The following SEMA3A variants were observed in gnomAD, a reference collection of about 807,000 sequenced individuals.
SEMA3A encodes semaphorin 3A, also known as semaphorin-3A.
A neutral mutation model predicts 97.9 loss-of-function variants in SEMA3A; 29 were observed. The observed-to-expected ratio is 0.30, with a 90% CI of 0.22 to 0.40. The LOEUF (loss-of-function observed/expected upper bound fraction) is 0.40, where lower values mean the gene tolerates loss of function less well. SEMA3A is among the 10% of genes least tolerant of loss of function. The pLI, the probability that SEMA3A is intolerant of heterozygous loss-of-function variation, is 1.00. For synonymous variants in SEMA3A, 321 were observed against 323.7 expected (o/e 0.99, Z 0.09); for missense variants, 763 against 951.3 (o/e 0.80, Z 2.60).
chr7:84,094,657 C>T (rs1477514787), intron 4 of SEMA3A, among the ~76,000 whole-genome samples: 1 of 152,038 alleles, frequency 6.6e-6, no homozygotes, highest in Non-Finnish European at 1.5e-5. Context: ...TTTCTAACAT[C>T]ATAATATGAC....
At chr7:84,404,729 G>A (rs994556864) in intron 1 of SEMA3A, among the ~76,000 whole-genome samples, 5 of 152,258 alleles carry the variant, frequency 3.3e-5, no homozygotes, top group African/African-American at 1.2e-4. Context: ...AAGAGAGTGG[G>A]GGCCAATATT....
intron 14 of SEMA3A, among the ~76,000 whole-genome samples, chr7:83,978,861 C>G (rs1478919920): frequency 6.6e-6 from 1 of 152,110 alleles, no homozygotes; most frequent in Non-Finnish European, 1.5e-5. Context: ...CAGCGTGTCA[C>G]TCATGAAATT....
chr7:84,199,552 C>T, upstream of SEMA3A, among the ~76,000 whole-genome samples: 1 of 151,462 alleles, frequency 6.6e-6, no homozygotes, highest in Middle Eastern at 3.4e-3. Flanking sequence ...TCTCAATCAA[C>T]ATCTGTTATT....
intron 2 of SEMA3A, among the ~76,000 whole-genome samples, chr7:84,310,059 C>T (rs1562896943): frequency 6.6e-6 from 1 of 151,980 alleles, no homozygotes; most frequent in African/African-American, 2.4e-5. Context: ...CATACATAAG[C>T]TACGTTAAGT....
chr7:84,149,689 T>TG (rs1796570046), intron 1 of SEMA3A, among the ~76,000 whole-genome samples: 1 of 152,208 alleles, frequency 6.6e-6, no homozygotes, highest in Non-Finnish European at 1.5e-5. Context: ...TGTGTACCAC[T>TG]GACAAAGGCA....
intron 1 of SEMA3A, among the ~76,000 whole-genome samples, chr7:84,142,013 A>G (rs941575531): frequency 6.6e-6 from 1 of 152,182 alleles, no homozygotes; most frequent in Admixed American, 6.6e-5. Context: ...ACAAGACACA[A>G]GTGTCCTAGG....
At chr7:84,404,156 G>C (rs1304662431) in intron 1 of SEMA3A, among the ~76,000 whole-genome samples, 1 of 152,098 alleles carries the variant, frequency 6.6e-6, no homozygotes, top group Non-Finnish European at 1.5e-5. Context: ...AAAAAAATTA[G>C]ACGAATGGAT....
At chr7:84,067,660 A>C (rs992375621) in intron 4 of SEMA3A, among the ~76,000 whole-genome samples, 6 of 152,206 alleles carry the variant, frequency 3.9e-5, no homozygotes, top group Non-Finnish European at 7.3e-5. Context: ...CAGCCAAAAA[A>C]CACATGAAAA....
chr7:83,985,568 A>T, intron 12 of SEMA3A, 91 bp from the exon 13 acceptor site: 1 of 1,009,606 alleles, frequency 9.9e-7, no homozygotes, highest in Non-Finnish European at 1.5e-6. Flanking sequence ...ATTAGTTTTC[A>T]GAGAGAAACT....
chr7:84,213,632 G>A (rs559464882), intron 3 of SEMA3A, among the ~76,000 whole-genome samples: 1 of 152,062 alleles, frequency 6.6e-6, no homozygotes, highest in Non-Finnish European at 1.5e-5. Flanking sequence ...GCAAACATTG[G>A]CATAATAATA....
chr7:83,994,749 G>C (rs560598773), intron 12 of SEMA3A, among the ~76,000 whole-genome samples: 351 of 151,448 alleles, frequency 2.3e-3, no homozygotes, highest in African/African-American at 8.2e-3. Flanking sequence ...TAAGTCTGCA[G>C]AGGTTACTGC....
chr7:84,323,929 A>G (rs868222326), intron 2 of SEMA3A, among the ~76,000 whole-genome samples: 12 of 152,342 alleles, frequency 7.9e-5, no homozygotes, highest in Middle Eastern at 3.4e-3. Flanking sequence ...AAAATCATAT[A>G]TAAATCTGTT....
At chr7:84,020,714 C>T (rs926322848) in intron 6 of SEMA3A, among the ~76,000 whole-genome samples, 2 of 152,130 alleles carry the variant, frequency 1.3e-5, no homozygotes, top group African/African-American at 4.8e-5. Context: ...AAATTTAATA[C>T]CAAAAGTATT....
chr7:84,190,303 T>C (rs1798001483), intron 1 of SEMA3A, among the ~76,000 whole-genome samples: 2 of 151,824 alleles, frequency 1.3e-5, no homozygotes, highest in Admixed American at 6.6e-5. Flanking sequence ...TTTTACATTA[T>C]TTGCCAGGGT....
chr7:83,961,949 T>A lies in SEMA3A; in HGVS notation c.1861-123A>T, dbSNP rs573744868. The A allele has an allele frequency of 4.0e-4, 260 of 649,388 alleles. 1 individual carries two copies. The African/African-American group carries it at 4.1e-3, about 10-fold the overall frequency. The allele number at this position is 649,388 out of a possible 1,614,324, so 40.2% of individuals were successfully genotyped here. On this transcript the variant is annotated intron_variant, in intron 16 of 16. Transcript: ENST00000265362. The stretch of plus-strand genomic sequence containing the variant: ...GGCACATTTTAACAGTTAATAAAAA[T>A]TTTTAATTTAAGAGAAGTGATAGCA...
At chr7:84,326,314 T>A (rs1801774638) in intron 2 of SEMA3A, among the ~76,000 whole-genome samples, 2 of 152,270 alleles carry the variant, frequency 1.3e-5, no homozygotes, top group Non-Finnish European at 2.9e-5. Context: ...AATTGATTAA[T>A]TCTATAGTAT....
At position 84,420,619 on chromosome 7, in the gene SEMA3A, C is replaced by A. The variant is rs369441250; in HGVS notation, c.-245-48719G>T. On this transcript the variant is annotated intron_variant, in intron 1 of 3. Coordinates refer to the SEMA3A transcript ENST00000424555. ...GATAAAAAACGTAAATCTCCTGATT[C>A]AAGAGGCTCAACAAATTCTAACTAG... Among the ~76,000 whole-genome samples the A allele has an allele frequency of 6.6e-5, 10 of 151,986 alleles. 2 individuals carry two copies. Among genetic ancestry groups the A allele is most frequent in the Admixed American group, 6.6e-5 (1 of 15,228 alleles).
chr7:84,486,487 G>A (rs987116239), intron 1 of SEMA3A, among the ~76,000 whole-genome samples: 2 of 152,126 alleles, frequency 1.3e-5, no homozygotes, highest in Admixed American at 6.5e-5. Flanking sequence ...AGCATATTAC[G>A]TGAAACATCA....
At chr7:83,996,371 C>G (rs1196485987) in intron 12 of SEMA3A, among the ~76,000 whole-genome samples, 1 of 141,262 alleles carries the variant, frequency 7.1e-6, no homozygotes, top group Non-Finnish European at 1.5e-5. Context: ...GGTGTGATCT[C>G]AGCCCACTGA....
Sources: allele counts gnomAD v4.1 joint callset (sites outside exome capture counted in the v4.1 genomes callset), GRCh38; gene constraint gnomAD v4.1.1; transcripts MANE v1.5; gene names NCBI Gene and HGNC (gene_info 2026-07-23, HGNC 2026-07-21).